MYO16: variants seen among roughly 807,000 people sequenced by gnomAD.
MYO16 encodes the protein unconventional myosin-XVI.
In MYO16, 94 loss-of-function variants were observed where a neutral mutation model predicts 205.3. The ratio of observed to expected loss-of-function variants is 0.46; its 90% CI spans 0.39 to 0.54. MYO16 has a LOEUF of 0.54. Among genes scored for constraint, MYO16 ranks in the 20% least tolerant of loss-of-function variants. The pLI is 0.00. For missense variants in MYO16, 2,315 were observed against 2,387.5 expected (o/e 0.97, Z 0.63); for synonymous variants, 988 against 954.0 (o/e 1.04, Z -0.66).
chr13:108,689,481 A>C (rs1025718510), intron 2 of MYO16, among the ~76,000 whole-genome samples: 9 of 152,164 alleles, frequency 5.9e-5, no homozygotes, highest in African/African-American at 1.9e-4. Flanking sequence ...TTGTATTATA[A>C]TAGTTAAATC....
chr13:108,873,578 C>T (rs1022630699), intron 12 of MYO16, among the ~76,000 whole-genome samples: 3 of 152,194 alleles, frequency 2.0e-5, no homozygotes, highest in African/African-American at 2.4e-5. Context: ...GTCAGCAGGC[C>T]GTTCCACCAA....
the MYO16 span, among the ~76,000 whole-genome samples, chr13:108,567,828 T>C: frequency 6.6e-6 from 1 of 152,144 alleles, no homozygotes; most frequent in Non-Finnish European, 1.5e-5. Flanking sequence ...AAAAACTCTC[T>C]GTACTCATTA....
intron 23 of MYO16, among the ~76,000 whole-genome samples, chr13:109,040,385 C>CACAGAGAGGGAGAGAGAGAG (rs1394314811): frequency 8.8e-6 from 1 of 113,216 alleles, no homozygotes. Context: ...CACACACACA[C>CACAGAGAGGGAGAGAGAGAG]AGAGAGAGAG....
In MYO16 at chr13:108,685,231, C is replaced by T. The variant is rs144811968; in HGVS notation, c.292+19082C>T. Among the ~76,000 whole-genome samples the T allele has an allele frequency of 8.4e-3, 1,277 of 152,116 alleles. 14 individuals carry two copies. Among genetic ancestry groups the T allele is most frequent in the African/African-American group, 0.029 (1,223 of 41,504 alleles). ...AGAGATGGGGTTTCACCATGCAGGCCAGGATGGTTTCGATCTCTTGACCTC... is the reference window on the plus strand; with the variant it reads ...AGAGATGGGGTTTCACCATGCAGGCTAGGATGGTTTCGATCTCTTGACCTC... On this transcript the variant is annotated intron_variant, in intron 2 of 34. Transcript: ENST00000457511.
chr13:109,020,043 T>G (rs1885970170), intron 23 of MYO16, 132 bp downstream of exon 23: 5 of 841,502 alleles, frequency 5.9e-6, no homozygotes, highest in Non-Finnish European at 9.1e-6. Context: ...ACCCACAACA[T>G]GTACTTTTCT....
chr13:108,622,764 C>T (rs1467778794), intron 1 of MYO16, among the ~76,000 whole-genome samples: 2 of 151,956 alleles, frequency 1.3e-5, no homozygotes, highest in Non-Finnish European at 2.9e-5. Flanking sequence ...AACATGAAGT[C>T]GTGGATCATG....
chr13:108,565,634 C>A, the MYO16 span, among the ~76,000 whole-genome samples: 1 of 152,042 alleles, frequency 6.6e-6, no homozygotes, highest in Non-Finnish European at 1.5e-5. Context: ...ACAGGGATAA[C>A]CTGAATTTTT....
At chr13:109,042,676 C>T (rs889662917) in intron 23 of MYO16, among the ~76,000 whole-genome samples, 1 of 152,254 alleles carries the variant, frequency 6.6e-6, no homozygotes, top group South Asian at 2.1e-4. Context: ...CCTGTCAGTA[C>T]TGGTCATCTA....
chr13:108,981,172 A>G (rs1205467673), intron 20 of MYO16, among the ~76,000 whole-genome samples: 2 of 152,238 alleles, frequency 1.3e-5, no homozygotes, highest in Non-Finnish European at 2.9e-5. Flanking sequence ...GTGAATATGG[A>G]CATGCCCCGC....
chr13:109,206,918 C>CGTGGAGAGAA lies in MYO16; in HGVS notation c.*83_*84insTGGAGAGAAG. The CGTGGAGAGAA allele has an allele frequency of 8.0e-7, 1 of 1,242,372 alleles. No individual in the cohort carries two copies. The highest frequency in any genetic ancestry group is 1.1e-6 in the Non-Finnish European group (1 of 879,546). 77.0% of individuals were successfully genotyped at this position (1,242,372 alleles called of 1,614,324 possible). ...CAACAGAAGGCTGCCTTCTGACATG[C>CGTGGAGAGAA]GCTGGGGCTTCTCTCCACGCATTTA... is the stretch of plus-strand genomic sequence containing the variant. On this transcript the variant is annotated 3_prime_UTR_variant, in exon 35 of 35. Transcript: ENST00000457511.
chr13:108,496,772 G>A, the MYO16 span, among the ~76,000 whole-genome samples: 4 of 152,306 alleles, frequency 2.6e-5, no homozygotes, highest in Non-Finnish European at 5.9e-5. Flanking sequence ...CATTAAAATT[G>A]GGTGTTAACC....
the MYO16 span, among the ~76,000 whole-genome samples, chr13:108,520,341 T>C: frequency 1.3e-5 from 2 of 152,202 alleles, no homozygotes; most frequent in African/African-American, 4.8e-5. Flanking sequence ...AGGTAAAATA[T>C]GCAACTGAAA....
chr13:108,950,452 A>G (rs1004035774), intron 16 of MYO16, among the ~76,000 whole-genome samples: 1 of 152,204 alleles, frequency 6.6e-6, no homozygotes, highest in South Asian at 2.1e-4. Context: ...GTTGAGTGTT[A>G]TTAACCACTA....
chr13:109,004,934 G>A (rs1885341632), intron 21 of MYO16, among the ~76,000 whole-genome samples: 1 of 152,184 alleles, frequency 6.6e-6, no homozygotes, highest in Admixed American at 6.5e-5. Context: ...CGAAGCAACT[G>A]TTTTAATTAA....
chr13:108,636,914 T>G (rs1282430148), intron 1 of MYO16, among the ~76,000 whole-genome samples: 1 of 152,162 alleles, frequency 6.6e-6, no homozygotes, highest in African/African-American at 2.4e-5. Context: ...AGTGTTCAAA[T>G]AAATGATGTC....
Position 108,992,387 on chromosome 13 carries a change from T to G in MYO16, c.2381T>G (p.Leu794Trp). The stretch of plus-strand genomic sequence containing the variant: ...TTGTTTTGTTTCAGCATGCAGACAT[T>G]GGATATTGGAATATTGGACATTTTT... ...SQDEQKSMQT[L>W]DIGILDIFGF... is the part of the protein sequence containing the mutation. The change falls in exon 21 of 35, where the codon TTG becomes TGG. Residue 794 changes from leucine (L) to tryptophan (W), a missense_variant. Physicochemically the swap from Leu to Trp is moderately conservative, Grantham distance 61 (BLOSUM62 -2). Coordinates refer to ENST00000457511, the MANE Select transcript of MYO16 (RefSeq NM_001198950.3). 2 of 1,609,540 alleles carry G rather than the reference T, an allele frequency of 1.2e-6. No individual in the cohort carries two copies. Among genetic ancestry groups the G allele is most frequent in the Non-Finnish European group, 1.7e-6 (2 of 1,176,572 alleles).
At chr13:108,713,135 T>A (rs975618707) in intron 3 of MYO16, among the ~76,000 whole-genome samples, 1 of 152,020 alleles carries the variant, frequency 6.6e-6, no homozygotes, top group Non-Finnish European at 1.5e-5. Flanking sequence ...AGAAACAAAG[T>A]AGGGGGTAAG....
intron 6 of MYO16, 68 bp downstream of exon 6, chr13:108,793,708 A>G: frequency 6.9e-7 from 1 of 1,440,586 alleles, no homozygotes; most frequent in South Asian, 1.3e-5. Flanking sequence ...AAAACATAGA[A>G]TTCATTAAAT....
chr13:108,881,127 C>G (rs1469819915), intron 12 of MYO16, among the ~76,000 whole-genome samples: 2 of 152,192 alleles, frequency 1.3e-5, no homozygotes, highest in African/African-American at 4.8e-5. Flanking sequence ...ATTTGCCATT[C>G]TGTAATATTT....
Sources: allele counts gnomAD v4.1 joint callset (sites outside exome capture counted in the v4.1 genomes callset), GRCh38; gene constraint gnomAD v4.1.1; transcripts MANE v1.5; gene names NCBI Gene and HGNC (gene_info 2026-07-23, HGNC 2026-07-21).